Variants in ARHGEF28 observed in about 807,000 individuals in gnomAD.
ARHGEF28 encodes the protein Rho guanine nucleotide exchange factor 28.
In ARHGEF28, 152 loss-of-function variants were observed where a neutral mutation model predicts 206.6. That is an observed-to-expected ratio of 0.74 (90% CI 0.64 to 0.84). ARHGEF28 has a LOEUF of 0.84. ARHGEF28 is among the 40% of genes least tolerant of loss of function. The probability of loss-of-function intolerance (pLI) is 0.00; values close to 1 mark genes in which losing one functional copy is unlikely to be tolerated. For synonymous variants in ARHGEF28, 763 were observed against 776.4 expected, an observed-to-expected ratio of 0.98 and a Z score of 0.29; for missense variants, 2,028 against 2,073.2, an observed-to-expected ratio of 0.98 and a Z score of 0.42.
chr5:73,932,461 A>T (rs1764179951), intron 35 of ARHGEF28, among the ~76,000 whole-genome samples: 1 of 152,040 alleles, frequency 6.6e-6, no homozygotes, highest in South Asian at 2.1e-4. Flanking sequence ...GTTTACAAAT[A>T]AGGAAATGGA....
intron 10 of ARHGEF28, among the ~76,000 whole-genome samples, chr5:73,836,262 A>G (rs1239944414): frequency 6.7e-6 from 1 of 149,216 alleles, no homozygotes; most frequent in Admixed American, 6.7e-5. Context: ...TTACATTCCC[A>G]ACAGTGTATA....
intron 34 of ARHGEF28, 67 bp from the exon 35 acceptor site, chr5:73,911,208 T>A: frequency 5.0e-6 from 7 of 1,393,888 alleles, no homozygotes; most frequent in Non-Finnish European, 6.7e-6. Flanking sequence ...CTCTCAGGAA[T>A]AAATACTTTA....
chr5:73,768,964 G>A (rs865964810), intron 4 of ARHGEF28, among the ~76,000 whole-genome samples: 4 of 152,148 alleles, frequency 2.6e-5, no homozygotes, highest in African/African-American at 9.6e-5. Flanking sequence ...TAGTTTTCAA[G>A]ATGGGAGTTT....
rs71615796 is a variant in ARHGEF28 at position 73,690,525 on chromosome 5, C to CAAAAA, written c.33+5663_33+5667dup. Among the ~76,000 whole-genome samples, 21 of 23,372 alleles carry CAAAAA rather than the reference C, an allele frequency of 9.0e-4. 2 individuals carry two copies. Among genetic ancestry groups the CAAAAA allele is most frequent in the African/African-American group, 1.7e-3 (18 of 10,410 alleles). 15.3% of individuals were successfully genotyped at this position (23,372 alleles called of 152,430 possible). ...TCAACATTGTAAGACTCTGTCTTTA[C>CAAAAA]AAAAAAAAAAAAAAAAAAAAAAAAA... On this transcript the variant is annotated intron_variant, in intron 2 of 35. Transcript: ENST00000513042.
At chr5:73,757,965 A>T (rs1036896523) in intron 4 of ARHGEF28, among the ~76,000 whole-genome samples, 3 of 152,190 alleles carry the variant, frequency 2.0e-5, no homozygotes, top group African/African-American at 7.2e-5. Context: ...GTTAACTGGG[A>T]TAACACATTC....
intron 31 of ARHGEF28, chr5:73,903,022 A>G (rs1370404136): frequency 6.6e-6 from 1 of 152,140 alleles, no homozygotes; most frequent in East Asian, 1.9e-4. Context: ...GCACAGATCT[A>G]ATGTCTTTAA....
Position 73,885,923 on chromosome 5 carries a change from A to G in ARHGEF28, c.3129A>G (p.Leu1043=). 2.5e-6 allele frequency: 4 copies of G among 1,613,742 alleles called. No homozygotes were observed. Among genetic ancestry groups the G allele is most frequent in the Non-Finnish European group, 3.4e-6 (4 of 1,179,772 alleles). The change falls in exon 25 of 36, where the codon TTA becomes TTG. Residue 1043 remains leucine (L), a synonymous_variant. Coordinates refer to ENST00000513042, the MANE Select transcript of ARHGEF28 (RefSeq NM_001177693.2). ...AAGACATGATTGCAACAGTGGATTT[A>G]AAAGTCAATGAATATGAGAAAAACC... is the stretch of plus-strand genomic sequence containing the variant. ...LIKDMIATVD[L]KVNEYEKNQK...
At chr5:73,822,830 T>C (rs1277302797) in intron 9 of ARHGEF28, among the ~76,000 whole-genome samples, 1 of 152,194 alleles carries the variant, frequency 6.6e-6, no homozygotes, top group East Asian at 1.9e-4. Flanking sequence ...TCTTGCTGTG[T>C]TGTCCAGGCT....
chr5:73,730,267 T>C (rs1561362514), intron 2 of ARHGEF28, among the ~76,000 whole-genome samples: 1 of 152,170 alleles, frequency 6.6e-6, no homozygotes, highest in African/African-American at 2.4e-5. Context: ...TGTATATATC[T>C]GTGACCCGCA....
chr5:73,756,183 T>C (rs1752300227), intron 4 of ARHGEF28, among the ~76,000 whole-genome samples: 1 of 152,202 alleles, frequency 6.6e-6, no homozygotes. Flanking sequence ...AGATAATGTA[T>C]GGCAAGACCT....
chr5:73,822,770 T>C (rs80184504), intron 9 of ARHGEF28, among the ~76,000 whole-genome samples: 1 of 152,088 alleles, frequency 6.6e-6, no homozygotes. Context: ...TATACAGACA[T>C]GCACCACCAC....
chr5:73,836,303 C>CTTTT (rs58880911), intron 10 of ARHGEF28, among the ~76,000 whole-genome samples: 3 of 126,314 alleles, frequency 2.4e-5, no homozygotes, highest in Non-Finnish European at 5.0e-5. Flanking sequence ...TCCTTGTCAG[C>CTTTT]TTTTTTTTTT....
At chr5:73,790,528 T>A (rs1754418651) in intron 7 of ARHGEF28, among the ~76,000 whole-genome samples, 1 of 152,154 alleles carries the variant, frequency 6.6e-6, no homozygotes, top group Non-Finnish European at 1.5e-5. Flanking sequence ...TAGGGACCAG[T>A]GGAGCTTGTT....
intron 1 of ARHGEF28, among the ~76,000 whole-genome samples, chr5:73,631,380 G>T (rs988997652): frequency 6.6e-6 from 1 of 152,092 alleles, no homozygotes; most frequent in Non-Finnish European, 1.5e-5. Flanking sequence ...CTCCTGGTTT[G>T]CTGTATGATC....
At chr5:73,707,820 A>C (rs1749023450) in intron 2 of ARHGEF28, among the ~76,000 whole-genome samples, 1 of 152,138 alleles carries the variant, frequency 6.6e-6, no homozygotes, top group African/African-American at 2.4e-5. Context: ...TTAATGGCAA[A>C]ATTTTTTGTA....
intron 2 of ARHGEF28, among the ~76,000 whole-genome samples, chr5:73,705,599 G>A (rs890959475): frequency 6.6e-6 from 1 of 151,850 alleles, no homozygotes; most frequent in African/African-American, 2.4e-5. Context: ...GCCATTGTGT[G>A]CATGCCTCTG....
chr5:73,794,739 T>TG (rs111961312), intron 8 of ARHGEF28, among the ~76,000 whole-genome samples: 3,300 of 151,990 alleles, frequency 0.022, 55 homozygotes, highest in Middle Eastern at 0.034. Context: ...CCTGAGTAGC[T>TG]GGGACTATAG....
chr5:73,858,168 T>A lies in ARHGEF28; in HGVS notation c.1996T>A (p.Cys666Ser). 6.2e-7 allele frequency: 1 copy of A among 1,611,252 alleles called. No homozygotes were observed. The change falls in exon 16 of 36, where the codon TGT becomes AGT. Residue 666 changes from cysteine to serine, a missense_variant. By Grantham distance (112) the Cys-to-Ser change is moderately radical. Transcript: ENST00000513042. ...AGGAACATTCTCTGGGGTTCTGCAG[T>A]GTTTGGTTTGTGATAAAACACTCCT... ...APGTFSGVLQCLVCDKTLLGK... is the reference protein window; with the variant it reads ...APGTFSGVLQSLVCDKTLLGK...
chr5:73,736,088 A>G (rs566447065), intron 2 of ARHGEF28, among the ~76,000 whole-genome samples: 2 of 152,346 alleles, frequency 1.3e-5, no homozygotes, highest in South Asian at 4.1e-4. Context: ...GACACACATC[A>G]GGTATTTATT....
Sources: allele counts gnomAD v4.1 joint callset (sites outside exome capture counted in the v4.1 genomes callset), GRCh38; gene constraint gnomAD v4.1.1; transcripts MANE v1.5; gene names NCBI Gene and HGNC (gene_info 2026-07-23, HGNC 2026-07-21).